CFAP299: variants seen among roughly 807,000 people sequenced by gnomAD.
CFAP299 encodes the protein cilia and flagella associated protein 299, also known as cilia- and flagella-associated protein 299.
Under a neutral mutation model 27.0 loss-of-function variants are expected in CFAP299, and 21 were observed. The observed-to-expected ratio is 0.78, with a 90% CI of 0.55 to 1.12. CFAP299 has a LOEUF of 1.12. CFAP299 is among the 50% of genes most tolerant of loss of function. The probability of loss-of-function intolerance (pLI) is 0.00; values close to 1 mark genes in which losing one functional copy is unlikely to be tolerated. For synonymous variants in CFAP299, 104 were observed against 98.1 expected (o/e 1.06, Z -0.36); for missense variants, 310 against 276.6 (o/e 1.12, Z -0.86).
rs1733894254 is a variant in CFAP299 at position 80,884,795 on chromosome 4, G to T, written c.476+14660G>T. Among the ~76,000 whole-genome samples, 4 of 152,014 alleles carry T rather than the reference G, an allele frequency of 2.6e-5. No individual in the cohort carries two copies. In the South Asian group the frequency reaches 8.3e-4, roughly 32 times the overall value. On this transcript the variant is annotated intron_variant, in intron 4 of 5. Transcript: ENST00000358105. ...GAGCAAGATGGCAGAATAGAACCCT[G>T]CATCATTCATCACCCCCATTCACTG...
intron 3 of CFAP299, among the ~76,000 whole-genome samples, chr4:80,702,837 C>T (rs747161628): frequency 6.6e-6 from 1 of 151,714 alleles, no homozygotes; most frequent in Non-Finnish European, 1.5e-5. Context: ...ATCAAATCTG[C>T]GTTCTGATTT....
At chr4:80,914,774 C>A (rs1031415192) in intron 4 of CFAP299, among the ~76,000 whole-genome samples, 1 of 152,124 alleles carries the variant, frequency 6.6e-6, no homozygotes, top group Non-Finnish European at 1.5e-5. Flanking sequence ...TAAAGTTGTT[C>A]ATAATATTCC....
At chr4:80,562,547 C>G (rs1735085952) in intron 2 of CFAP299, among the ~76,000 whole-genome samples, 1 of 151,078 alleles carries the variant, frequency 6.6e-6, no homozygotes, top group Admixed American at 6.6e-5. Flanking sequence ...TAAAGACTAT[C>G]CTCGGGAGGC....
chr4:80,935,880 C>T (rs1313368840), intron 4 of CFAP299, among the ~76,000 whole-genome samples: 2 of 151,926 alleles, frequency 1.3e-5, no homozygotes, highest in African/African-American at 4.8e-5. Flanking sequence ...ACAAACAACC[C>T]CCTTAAAAAG....
intron 2 of CFAP299, among the ~76,000 whole-genome samples, chr4:80,553,303 G>A (rs1002880341): frequency 6.6e-6 from 1 of 152,154 alleles, no homozygotes; most frequent in South Asian, 2.1e-4. Context: ...CTCCATCCAT[G>A]TTCCCACAAA....
At chr4:80,932,158 G>A (rs1377690832) in intron 4 of CFAP299, among the ~76,000 whole-genome samples, 8 of 152,050 alleles carry the variant, frequency 5.3e-5, no homozygotes, top group Non-Finnish European at 8.8e-5. Flanking sequence ...TTTCTCTCCT[G>A]TAAAATAGTA....
intron 1 of CFAP299, among the ~76,000 whole-genome samples, chr4:80,343,990 C>T (rs2109973728): frequency 6.6e-6 from 1 of 152,052 alleles, no homozygotes; most frequent in African/African-American, 2.4e-5. Context: ...GGGATCCTGC[C>T]AAAGCAGTGT....
chr4:80,387,900 C>G (rs11944059), intron 2 of CFAP299: 192,471 of 930,328 alleles, frequency 0.21, 21,199 homozygotes, highest in South Asian at 0.28. Context: ...CCACGGTGCC[C>G]CCGGTGGCAC....
At chr4:80,549,000 A>G (rs2110207422) in intron 2 of CFAP299, among the ~76,000 whole-genome samples, 1 of 152,250 alleles carries the variant, frequency 6.6e-6, no homozygotes, top group East Asian at 1.9e-4. Flanking sequence ...AGGTGGGAAA[A>G]ATCATCACAT....
rs558065415 is a variant in CFAP299, at chr4:80,740,368, C to A, written c.334-129625C>A. On this transcript the variant is annotated intron_variant, in intron 3 of 5. Transcript: ENST00000358105. ...CCAATAACACTATGAGTTTTGCTGA[C>A]TCGCAGAGATACTGCTTTGGTGGTC... 3.3e-5 allele frequency among the ~76,000 whole-genome samples: 5 copies of A among 152,190 alleles called. No homozygotes were observed. The South Asian group carries it at 1.0e-3, about 32-fold the overall frequency.
At chr4:80,491,856 T>C (rs1731152041) in intron 2 of CFAP299, among the ~76,000 whole-genome samples, 1 of 152,212 alleles carries the variant, frequency 6.6e-6, no homozygotes, top group Non-Finnish European at 1.5e-5. Flanking sequence ...TGAGAGAAAA[T>C]CTGCTTCTGT....
intron 2 of CFAP299, among the ~76,000 whole-genome samples, chr4:80,441,334 C>G (rs1728346346): frequency 6.6e-6 from 1 of 152,198 alleles, no homozygotes; most frequent in Non-Finnish European, 1.5e-5. Flanking sequence ...AACAAGAAGT[C>G]CATTGGAGTA....
chr4:80,468,800 C>T (rs893152987), intron 2 of CFAP299, among the ~76,000 whole-genome samples: 1 of 145,676 alleles, frequency 6.9e-6, no homozygotes, highest in African/African-American at 2.6e-5. Flanking sequence ...ACACATTGCA[C>T]TCCAGCCTGG....
chr4:80,775,302 G>C (rs986372727), intron 3 of CFAP299, among the ~76,000 whole-genome samples: 3 of 151,910 alleles, frequency 2.0e-5, no homozygotes, highest in Non-Finnish European at 2.9e-5. Flanking sequence ...CAATATCTCA[G>C]CATGGTGGAA....
At chr4:80,888,537 C>G (rs1349097751) in intron 4 of CFAP299, among the ~76,000 whole-genome samples, 1 of 152,004 alleles carries the variant, frequency 6.6e-6, no homozygotes, top group African/African-American at 2.4e-5. Flanking sequence ...ACTTCAACAT[C>G]CTACTTTCAG....
At chr4:80,927,482 A>G (rs552327310) in intron 4 of CFAP299, among the ~76,000 whole-genome samples, 1 of 152,182 alleles carries the variant, frequency 6.6e-6, no homozygotes, top group Admixed American at 6.6e-5. Context: ...GCTTAAAATG[A>G]CACTCATTTA....
At chr4:80,674,403 A>G (rs528787288) in intron 3 of CFAP299, among the ~76,000 whole-genome samples, 4 of 152,290 alleles carry the variant, frequency 2.6e-5, no homozygotes, top group South Asian at 4.2e-4. Context: ...TATTAGTCTG[A>G]TGGTCTTCCC....
intron 2 of CFAP299, among the ~76,000 whole-genome samples, chr4:80,575,906 AATC>A: frequency 6.6e-6 from 1 of 152,138 alleles, no homozygotes; most frequent in East Asian, 1.9e-4. Context: ...TGAAGCTGGA[AATC>A]ATCATTCTCA....
chr4:80,773,859 T>G lies in CFAP299; in HGVS notation c.334-96134T>G, dbSNP rs1267266456. On this transcript the variant is annotated intron_variant, in intron 3 of 5. Coordinates refer to ENST00000358105, the MANE Select transcript of CFAP299 (RefSeq NM_152770.3). ...TAATATTAAAGAGTCTTAAGTTGCA[T>G]TATATTTTGGAGTTTAATATTAGAG... is the stretch of plus-strand genomic sequence containing the variant. Among the ~76,000 whole-genome samples, 3 of 152,144 alleles carry G rather than the reference T, an allele frequency of 2.0e-5. No individual in the cohort carries two copies. The East Asian group carries it at 5.8e-4, about 29-fold the overall frequency.
Sources: gnomAD v4.1 joint callset for allele counts (sites outside exome capture counted in the v4.1 genomes callset) on GRCh38, gnomAD v4.1.1 for gene constraint, MANE v1.5 for transcripts, NCBI Gene and HGNC (gene_info 2026-07-23, HGNC 2026-07-21) for gene names.